Variants in PTPRG observed in about 807,000 individuals in gnomAD.
PTPRG encodes the protein receptor-type tyrosine-protein phosphatase gamma.
PTPRG carries 102 observed loss-of-function variants against 165.3 expected under a neutral mutation model. That is an observed-to-expected ratio of 0.62 (90% confidence interval 0.53 to 0.73). The LOEUF (loss-of-function observed/expected upper bound fraction) is 0.73. PTPRG is among the 30% of genes least tolerant of loss of function. The probability of loss-of-function intolerance (pLI) is 0.00; values close to 1 mark genes in which losing one functional copy is unlikely to be tolerated. For missense variants in PTPRG, 1,866 were observed against 1,861.4 expected (o/e 1.00, Z -0.05); for synonymous variants, 675 against 669.5 (o/e 1.01, Z -0.13).
intron 1 of PTPRG, among the ~76,000 whole-genome samples, chr3:61,632,762 A>G (rs1420595188): frequency 1.3e-5 from 2 of 152,226 alleles, no homozygotes; most frequent in Non-Finnish European, 1.5e-5. Flanking sequence ...ATTATTTCAC[A>G]AAGAACTAGA....
At chr3:62,287,030 G>A (rs948020140) in intron 28 of PTPRG, among the ~76,000 whole-genome samples, 6 of 152,076 alleles carry the variant, frequency 3.9e-5, no homozygotes, top group African/African-American at 1.4e-4. Flanking sequence ...TAATTTTACT[G>A]CTTATTTAAC....
intron 5 of PTPRG, among the ~76,000 whole-genome samples, chr3:62,092,053 C>CTT (rs1211196400): frequency 2.1e-5 from 3 of 140,724 alleles, no homozygotes; most frequent in African/African-American, 7.9e-5. Flanking sequence ...GAGGTTACCC[C>CTT]TTATACATGG....
chr3:61,893,215 G>A (rs576169429), intron 2 of PTPRG, among the ~76,000 whole-genome samples: 4 of 152,312 alleles, frequency 2.6e-5, no homozygotes, highest in Admixed American at 6.5e-5. Flanking sequence ...CATATTTTGG[G>A]AAAGTCAGTG....
chr3:61,995,511 C>T (rs914358109), intron 3 of PTPRG, among the ~76,000 whole-genome samples: 7 of 151,982 alleles, frequency 4.6e-5, no homozygotes, highest in Admixed American at 3.9e-4. Flanking sequence ...TCAAGTGTAA[C>T]ACGGATGCCT....
chr3:61,592,059 C>T (rs1037660137), intron 1 of PTPRG, among the ~76,000 whole-genome samples: 4 of 151,830 alleles, frequency 2.6e-5, no homozygotes, highest in Non-Finnish European at 4.4e-5. Context: ...CCGCAGCCTC[C>T]GCCTCCTGGG....
intron 1 of PTPRG, among the ~76,000 whole-genome samples, chr3:61,654,015 T>C (rs1433524718): frequency 2.0e-5 from 3 of 152,144 alleles, no homozygotes; most frequent in Non-Finnish European, 4.4e-5. Context: ...CAGTGCCACA[T>C]CTGAGAGGCA....
At chr3:61,638,482 G>T (rs1013948902) in intron 1 of PTPRG, among the ~76,000 whole-genome samples, 2 of 151,064 alleles carry the variant, frequency 1.3e-5, no homozygotes, top group African/African-American at 4.9e-5. Context: ...TTCTTGCCTG[G>T]CTTGTTGTTC....
intron 6 of PTPRG, among the ~76,000 whole-genome samples, chr3:62,148,792 C>A (rs1374380916): frequency 6.7e-6 from 1 of 149,806 alleles, no homozygotes; most frequent in Non-Finnish European, 1.5e-5. Context: ...AAATAAATAG[C>A]TAAAATAGTT....
chr3:61,670,873 C>T (rs921036669), intron 1 of PTPRG, among the ~76,000 whole-genome samples: 2 of 152,078 alleles, frequency 1.3e-5, no homozygotes, highest in African/African-American at 4.8e-5. Flanking sequence ...TTGTGACTAT[C>T]GAAATCCCTG....
At chr3:61,935,774 A>G (rs183894054) in intron 2 of PTPRG, among the ~76,000 whole-genome samples, 1 of 148,948 alleles carries the variant, frequency 6.7e-6, no homozygotes, top group African/African-American at 2.4e-5. Flanking sequence ...TAAAGTATGT[A>G]TATCTTAGAA....
At chr3:61,572,729 G>A (rs1241299029) in intron 1 of PTPRG, among the ~76,000 whole-genome samples, 1 of 152,098 alleles carries the variant, frequency 6.6e-6, no homozygotes, top group Admixed American at 6.5e-5. Flanking sequence ...GGAAGGTCTA[G>A]CAGCCTAGGG....
intron 5 of PTPRG, among the ~76,000 whole-genome samples, chr3:62,115,378 T>A (rs868590445): frequency 6.6e-6 from 1 of 151,904 alleles, no homozygotes; most frequent in Admixed American, 6.6e-5. Context: ...TCAACTAAAA[T>A]TTTTTTTGGT....
intron 2 of PTPRG, among the ~76,000 whole-genome samples, chr3:61,792,336 C>T (rs1031868552): frequency 1.3e-5 from 2 of 151,986 alleles, no homozygotes; most frequent in Non-Finnish European, 2.9e-5. Context: ...AGGCACCCAC[C>T]CCCGTCACCC....
At chr3:61,727,873 C>A (rs1457270276) in intron 1 of PTPRG, among the ~76,000 whole-genome samples, 1 of 152,182 alleles carries the variant, frequency 6.6e-6, no homozygotes, top group East Asian at 1.9e-4. Flanking sequence ...AGCTTCTTGG[C>A]TACTGATAAT....
chr3:61,836,511 T>G (rs980574105), intron 2 of PTPRG, among the ~76,000 whole-genome samples: 7 of 152,210 alleles, frequency 4.6e-5, no homozygotes, highest in African/African-American at 1.7e-4. Context: ...ATATAGCAGC[T>G]ACTATTTACT....
chr3:61,598,788 A>G (rs1414641828), intron 1 of PTPRG, among the ~76,000 whole-genome samples: 1 of 152,030 alleles, frequency 6.6e-6, no homozygotes, highest in Non-Finnish European at 1.5e-5. Flanking sequence ...GTGAGGGAGA[A>G]TCTGTTCCGT....
chr3:61,565,485 ATAG>A (rs1559505389), intron 1 of PTPRG, among the ~76,000 whole-genome samples: 3 of 152,096 alleles, frequency 2.0e-5, no homozygotes, highest in Admixed American at 6.6e-5. Context: ...AATCCTACAC[ATAG>A]TTCATTCAAA....
chr3:61,931,726 C>T lies in PTPRG; in HGVS notation c.191-57899C>T, dbSNP rs374852719. ...GCTTCAAAGAATATCCAACCACCTC[C>T]ATTCCCCTCAAAACAAAAACAAAAA... On this transcript the variant is annotated intron_variant, in intron 2 of 29. Transcript: ENST00000474889. Among the ~76,000 whole-genome samples the T allele has an allele frequency of 8.5e-5, 13 of 152,332 alleles. No individual in the cohort carries two copies. The East Asian group carries it at 2.5e-3, about 29-fold the overall frequency.
chr3:62,292,785 G>T (rs1221413399), intron 29 of PTPRG: 10 of 516,900 alleles, frequency 1.9e-5, no homozygotes, highest in South Asian at 9.8e-5. Flanking sequence ...CAACACCATA[G>T]AATTATGTGG....
Sources: allele counts gnomAD v4.1 joint callset (sites outside exome capture counted in the v4.1 genomes callset), GRCh38; gene constraint gnomAD v4.1.1; transcripts MANE v1.5; gene names NCBI Gene and HGNC (gene_info 2026-07-23, HGNC 2026-07-21).